The following NEK5 variants were observed in gnomAD, a reference collection of about 807,000 sequenced individuals.
The protein encoded by NEK5 is serine/threonine-protein kinase Nek5.
NEK5 carries 88 observed loss-of-function variants against 109.2 expected under a neutral mutation model. That is an observed-to-expected ratio of 0.81 (90% CI 0.68 to 0.96). NEK5 has a LOEUF of 0.96. NEK5 is among the 40% of genes least tolerant of loss of function. The pLI, the probability that NEK5 is intolerant of heterozygous loss-of-function variation, is 0.00. For missense variants in NEK5, 834 were observed against 920.7 expected (o/e 0.91, Z 1.22); for synonymous variants, 283 against 299.9 (o/e 0.94, Z 0.58).
chr13:52,041,170 G>C (rs1954409986), intron 23 of NEK5, among the ~76,000 whole-genome samples: 1 of 152,070 alleles, frequency 6.6e-6, no homozygotes, highest in African/African-American at 2.4e-5. Context: ...TGGTAAGACA[G>C]ATGGCATAAA....
intron 1 of NEK5, 169 bp downstream of exon 1, chr13:52,128,860 G>C (rs1956120929): frequency 6.6e-6 from 1 of 152,408 alleles, no homozygotes. Flanking sequence ...TTGCCATAGA[G>C]ACCGACGCGC....
chr13:52,121,005 C>A (rs1208648337), intron 3 of NEK5, among the ~76,000 whole-genome samples: 3 of 151,634 alleles, frequency 2.0e-5, no homozygotes, highest in Non-Finnish European at 4.4e-5. Context: ...TCAATAACTA[C>A]TATTGGCCAG....
At chr13:52,042,835 G>A (rs9535838) in intron 23 of NEK5, among the ~76,000 whole-genome samples, 5,502 of 151,816 alleles carry the variant, frequency 0.036, 134 homozygotes, top group South Asian at 0.091. Context: ...ATATAGAAAA[G>A]TTTGTCAACC....
intron 7 of NEK5, among the ~76,000 whole-genome samples, chr13:52,109,599 T>C (rs572116300): frequency 1.1e-4 from 17 of 152,276 alleles, no homozygotes; most frequent in African/African-American, 4.1e-4. Flanking sequence ...CTGGCACCTT[T>C]TTAAATCCGA....
In NEK5 at chr13:52,072,053, A is replaced by C; in HGVS notation, c.1740T>G (p.Asn580Lys). The C allele has an allele frequency of 3.1e-6, 5 of 1,611,644 alleles. No individual in the cohort carries two copies. The African/African-American group carries it at 5.3e-5, about 17-fold the overall frequency. The change falls in exon 20 of 24, where the codon AAT becomes AAG. Residue 580 changes from asparagine to lysine, a missense_variant. Asn to Lys is a moderately conservative substitution (Grantham distance 94). Coordinates refer to ENST00000684899, the MANE Select transcript of NEK5 (RefSeq NM_001365552.1). ...TGCCATCCTCAAAGGTCAAAGTTTC[A>C]TTTGGTATATCCATTGCCTAAATCA... The part of the protein sequence containing the change: ...LQEEEAMDIP[N>K]ETLTFEDGMK...
At chr13:52,112,423 T>C in intron 4 of NEK5, 58 bp from the exon 5 acceptor site, 1 of 1,138,332 alleles carries the variant, frequency 8.8e-7, no homozygotes, top group South Asian at 1.3e-5. Context: ...TCAGCCATGT[T>C]CTGGCTGTGG....
intron 21 of NEK5, 27 bp from the exon 22 acceptor site, chr13:52,061,980 A>T (rs1954617771): frequency 2.8e-6 from 1 of 357,294 alleles, no homozygotes; most frequent in Non-Finnish European, 3.9e-6. Context: ...TATTAAAAAT[A>T]AAAATGCTTC....
intron 7 of NEK5, 54 bp downstream of exon 7, chr13:52,110,286 A>T (rs1955732000): frequency 1.8e-6 from 2 of 1,137,052 alleles, no homozygotes; most frequent in South Asian, 2.6e-5. Context: ...ATATCTAAAA[A>T]TACATATTTG....
intron 16 of NEK5, among the ~76,000 whole-genome samples, chr13:52,084,266 T>C (rs981954247): frequency 4.6e-5 from 7 of 152,308 alleles, no homozygotes; most frequent in Non-Finnish European, 8.8e-5. Flanking sequence ...GGCCTCCCTC[T>C]GTTGCCCAGG....
At chr13:52,082,314 T>TAA (rs746503716) in intron 17 of NEK5, 34 of 908,726 alleles carry the variant, frequency 3.7e-5, no homozygotes, top group Admixed American at 1.7e-4. Context: ...AAATTCCATC[T>TAA]AAAAAAAAAA....
In NEK5 at chr13:52,087,325, AAC is replaced by A. The variant is rs1352099195; in HGVS notation, c.1392+11_1392+12del. The stretch of plus-strand genomic sequence containing the variant: ...AAATACAAGGGTAGCCCTGGAATTA[AAC>A]AGTTTTTAACCTGTTCCTTCATTTC... On this transcript the variant is annotated intron_variant, in intron 15 of 23. Coordinates refer to ENST00000684899, the MANE Select transcript of NEK5 (RefSeq NM_001365552.1). The A allele has an allele frequency of 5.4e-6, 7 of 1,293,642 alleles. No homozygotes were observed. The highest frequency in any genetic ancestry group is 3.6e-5 in the South Asian group (3 of 83,582). The allele number at this position is 1,293,642 out of a possible 1,614,324, so 80.1% of individuals were successfully genotyped here.
intron 4 of NEK5, among the ~76,000 whole-genome samples, chr13:52,114,889 A>C (rs949929584): frequency 6.6e-6 from 1 of 152,244 alleles, no homozygotes; most frequent in African/African-American, 2.4e-5. Context: ...TGGAAGAATC[A>C]GAATAATGAA....
intron 23 of NEK5, among the ~76,000 whole-genome samples, chr13:52,039,242 A>AGT (rs987205703): frequency 6.6e-6 from 1 of 152,126 alleles, no homozygotes; most frequent in Non-Finnish European, 1.5e-5. Flanking sequence ...TCACACGATG[A>AGT]GTGTGTGTGG....
At chr13:52,097,549 A>T (rs1453064107) in intron 12 of NEK5, among the ~76,000 whole-genome samples, 1 of 151,958 alleles carries the variant, frequency 6.6e-6, no homozygotes, top group African/African-American at 2.4e-5. Context: ...CATGGGGTCT[A>T]TAAACCCTTT....
At chr13:52,057,532 T>G (rs1306253296) in intron 22 of NEK5, among the ~76,000 whole-genome samples, 1 of 152,042 alleles carries the variant, frequency 6.6e-6, no homozygotes, top group African/African-American at 2.4e-5. Flanking sequence ...TGATGAACAT[T>G]GATGCAAAAA....
At chr13:52,089,379 G>A in intron 13 of NEK5, 66 bp from the exon 14 acceptor site, 2 of 984,722 alleles carry the variant, frequency 2.0e-6, no homozygotes, top group Non-Finnish European at 1.6e-6. Context: ...AATTTGACGA[G>A]TAATTTTCAG....
At chr13:52,114,120 A>G (rs1955805974) in intron 4 of NEK5, among the ~76,000 whole-genome samples, 1 of 152,240 alleles carries the variant, frequency 6.6e-6, no homozygotes, top group Non-Finnish European at 1.5e-5. Flanking sequence ...GGATCTTGTT[A>G]GAAAAGAAGG....
Position 52,061,948 on chromosome 13 carries a change from G to T in NEK5, c.1981C>A (p.Gln661Lys). Residue 661 changes from glutamine (Q) to lysine (K), a missense_variant, in exon 22 of 24, where the codon CAA becomes AAA. Transcript: ENST00000684899. ...STCPTGPDNGQVIVIEGIPGN... is the reference protein window; with the variant it reads ...STCPTGPDNGKVIVIEGIPGN... ...GGAATGCCTTCAATCACAATAACTT[G>T]GCCATCTGAAGAGGAAAGTGTTATT... The T allele has an allele frequency of 1.5e-6, 1 of 659,124 alleles. No individual in the cohort carries two copies. Among genetic ancestry groups the T allele is most frequent in the Non-Finnish European group, 1.9e-6 (1 of 531,484 alleles). The allele number at this position is 659,124 out of a possible 1,614,324, so 40.8% of individuals were successfully genotyped here. A position where few individuals can be genotyped will look rare whatever the true frequency, so the allele number is the denominator to read the frequency against.
rs532952272 is a variant in NEK5 at position 52,033,965 on chromosome 13, C to T, written c.*2983G>A. The T allele has an allele frequency of 6.6e-6, 1 of 152,256 alleles. No homozygotes were observed. Among genetic ancestry groups the T allele is most frequent in the Non-Finnish European group, 1.5e-5 (1 of 68,036 alleles). 9.4% of individuals were successfully genotyped at this position (152,256 alleles called of 1,614,324 possible). On this transcript the variant is annotated 3_prime_UTR_variant, in exon 24 of 24. Transcript: ENST00000684899. The stretch of plus-strand genomic sequence containing the variant: ...CCTCCCCGCTGCTCCTCTGCTAACT[C>T]ATTTTCCTCTTTTCCCACTCTAAAT...
Sources: gnomAD v4.1 joint callset for allele counts (sites outside exome capture counted in the v4.1 genomes callset) on GRCh38, gnomAD v4.1.1 for gene constraint, MANE v1.5 for transcripts, NCBI Gene and HGNC (gene_info 2026-07-23, HGNC 2026-07-21) for gene names.